CARM1: variants seen among roughly 807,000 people sequenced by gnomAD.
CARM1 encodes the protein coactivator associated arginine methyltransferase 1.
Under a neutral mutation model 72.7 loss-of-function variants are expected in CARM1, and 14 were observed. The observed-to-expected ratio is 0.19, with a 90% CI of 0.13 to 0.30. The LOEUF is 0.30. CARM1 is among the 10% of genes least tolerant of loss of function. The pLI is 1.00. For missense variants in CARM1, 432 were observed against 833.7 expected, an observed-to-expected ratio of 0.52 and a Z score of 5.93; for synonymous variants, 333 against 345.5, an observed-to-expected ratio of 0.96 and a Z score of 0.40.
intron 5 of CARM1, among the ~76,000 whole-genome samples, chr19:10,913,192 C>G (rs1196713536): frequency 1.3e-5 from 2 of 151,962 alleles, no homozygotes; most frequent in Admixed American, 6.6e-5. Context: ...GCAACCTCCA[C>G]CTCCCGGGTT....
intron 4 of CARM1, 90 bp downstream of exon 4, chr19:10,909,297 T>G: frequency 1.2e-6 from 1 of 823,170 alleles, no homozygotes; most frequent in Non-Finnish European, 2.0e-6. Flanking sequence ...TTTTCTCAGA[T>G]TAGAAATGCA....
At chr19:10,879,584 G>A (rs1002881445) in intron 1 of CARM1, among the ~76,000 whole-genome samples, 8 of 152,110 alleles carry the variant, frequency 5.3e-5, no homozygotes, top group African/African-American at 1.9e-4. Flanking sequence ...GGGGCTAAAA[G>A]TGGAAACAGG....
chr19:10,904,448 G>A (rs1034584106), intron 1 of CARM1, among the ~76,000 whole-genome samples: 2 of 152,180 alleles, frequency 1.3e-5, no homozygotes, highest in African/African-American at 2.4e-5. Context: ...CCACTGCCCC[G>A]CCATTAGCCC....
At position 10,915,041 on chromosome 19, in the gene CARM1, C is replaced by T. The variant is rs149845918; in HGVS notation, c.847+987C>T. Among the ~76,000 whole-genome samples, 68 of 152,302 alleles carry T rather than the reference C, an allele frequency of 4.5e-4. No homozygotes were observed. The highest frequency in any genetic ancestry group is 6.8e-3 in the Middle Eastern group (2 of 294). ...CCAGGGTAGCAGCCATGGGATGGAG[C>T]GTGGGCAGCAGCAGGCTGGTGGGGC... On this transcript the variant is annotated intron_variant, in intron 6 of 15. Coordinates refer to ENST00000327064, the MANE Select transcript of CARM1 (RefSeq NM_199141.2). This position sits in a 1 kb window ranked among gnomAD's most constrained non-coding sequence, Gnocchi z 4.6.
Position 10,921,872 on chromosome 19 carries a change from C to G in CARM1, c.*115C>G, listed in dbSNP as rs1167630256. 2.8e-6 allele frequency: 3 copies of G among 1,059,692 alleles called. No homozygotes were observed. The highest frequency in any genetic ancestry group is 3.2e-5 in the African/African-American group (2 of 62,092). The allele number at this position is 1,059,692 out of a possible 1,614,324, so 65.6% of individuals were successfully genotyped here. A position where few individuals can be genotyped will look rare whatever the true frequency, so the allele number is the denominator to read the frequency against. On this transcript the variant is annotated 3_prime_UTR_variant, in exon 16 of 16. Transcript: ENST00000327064. ...GAAGCTCGAACACCCGGTCACAGCT[C>G]TCTTTGCTATGGGAACTGGGACACT...
intron 1 of CARM1, among the ~76,000 whole-genome samples, chr19:10,892,433 G>A (rs2073994900): frequency 6.6e-6 from 1 of 152,236 alleles, no homozygotes; most frequent in South Asian, 2.1e-4. Context: ...GGAGCCCAGG[G>A]TGACCTCATG....
At chr19:10,890,027 C>T (rs912642828) in intron 1 of CARM1, among the ~76,000 whole-genome samples, 2 of 152,048 alleles carry the variant, frequency 1.3e-5, no homozygotes, top group East Asian at 1.9e-4. Context: ...GCGGGAGGAT[C>T]GCCTAAGGCT....
chr19:10,880,126 G>T (rs1205150858), intron 1 of CARM1, among the ~76,000 whole-genome samples: 2 of 152,220 alleles, frequency 1.3e-5, no homozygotes, highest in Non-Finnish European at 2.9e-5. Flanking sequence ...GGCTCAGGAA[G>T]ACCTCTGTGG....
chr19:10,919,294 G>C (rs780197098), intron 8 of CARM1: 2 of 316,918 alleles, frequency 6.3e-6, no homozygotes, highest in African/African-American at 4.3e-5. Flanking sequence ...CCAGTGTGTC[G>C]CTACCACGGA....
intron 8 of CARM1, 139 bp from the exon 9 acceptor site, chr19:10,919,456 C>T (rs949828267): frequency 4.5e-5 from 29 of 650,078 alleles, no homozygotes; most frequent in African/African-American, 1.4e-4. Context: ...CCCCTCCTCA[C>T]GGCGTGTCTG....
chr19:10,873,888 C>G (rs898455486), intron 1 of CARM1, among the ~76,000 whole-genome samples: 10 of 152,102 alleles, frequency 6.6e-5, no homozygotes, highest in Non-Finnish European at 1.0e-4. Flanking sequence ...ATCCACCCGC[C>G]TTGGCCTCCC....
At chr19:10,892,773 C>T (rs1356107022) in intron 1 of CARM1, among the ~76,000 whole-genome samples, 1 of 152,190 alleles carries the variant, frequency 6.6e-6, no homozygotes, top group Admixed American at 6.5e-5. Flanking sequence ...GCTCTTGTTG[C>T]CCAGGCTGGA....
intron 8 of CARM1, 63 bp from the exon 9 acceptor site, chr19:10,919,532 G>A: frequency 8.2e-7 from 1 of 1,215,438 alleles, no homozygotes; most frequent in Non-Finnish European, 1.2e-6. Context: ...GAAGGGGCAG[G>A]GCTCTCCCCT....
intron 1 of CARM1, among the ~76,000 whole-genome samples, chr19:10,890,681 A>G (rs886393993): frequency 9.4e-5 from 14 of 148,730 alleles, no homozygotes; most frequent in Non-Finnish European, 1.3e-4. Flanking sequence ...ACGTATATAC[A>G]TATATACACA....
At chr19:10,919,006 G>A (rs1440057122) in intron 8 of CARM1, 1 of 152,694 alleles carries the variant, frequency 6.5e-6, no homozygotes, top group East Asian at 1.9e-4. Flanking sequence ...TGTTGTTGTT[G>A]TTTTTAAGAG....
Position 10,916,257 on chromosome 19 carries a change from G to A in CARM1, c.848-150G>A, listed in dbSNP as rs541910835. 8.2e-6 allele frequency: 5 copies of A among 608,020 alleles called. No homozygotes were observed. The highest frequency in any genetic ancestry group is 1.9e-5 in the South Asian group (1 of 52,274). 37.7% of individuals were successfully genotyped at this position (608,020 alleles called of 1,614,324 possible). On this transcript the variant is annotated intron_variant, in intron 6 of 15. Transcript: ENST00000327064. The surrounding 1 kb of genome is among the most constrained non-coding windows in gnomAD (Gnocchi z 4.4). ...TGATGAAACACTGATCAGAATAGGC[G>A]CTCGGTGCCACTGTCACAGGAGTGC... is the stretch of plus-strand genomic sequence containing the variant.
At position 10,920,649 on chromosome 19, in the gene CARM1, C is replaced by T. The variant is rs370647066; in HGVS notation, c.1335-10C>T. On this transcript the variant is annotated splice_polypyrimidine_tract_variant and intron_variant, in intron 11 of 15. Transcript: ENST00000327064. This position sits in a 1 kb window ranked among gnomAD's most constrained non-coding sequence, Gnocchi z 5.3. ...AGCAGCTCATGCCACGGCCTGCACC[C>T]TGTCCGCAGACAGAGCTACGACATC... The T allele has an allele frequency of 7.4e-5, 120 of 1,614,152 alleles. No homozygotes were observed. The African/African-American group carries it at 1.2e-3, about 16-fold the overall frequency.
rs1423691093 is a variant in CARM1, at chr19:10,912,110, C to G, written c.559-74C>G. 9.7e-7 allele frequency: 1 copy of G among 1,026,828 alleles called. No homozygotes were observed. The highest frequency in any genetic ancestry group is 1.6e-6 in the Non-Finnish European group (1 of 644,032). The allele number at this position is 1,026,828 out of a possible 1,614,324, so 63.6% of individuals were successfully genotyped here. A position where few individuals can be genotyped will look rare whatever the true frequency, so the allele number is the denominator to read the frequency against. On this transcript the variant is annotated intron_variant, in intron 4 of 15. Coordinates refer to ENST00000327064, the MANE Select transcript of CARM1 (RefSeq NM_199141.2). The surrounding 1 kb of genome is among the most constrained non-coding windows in gnomAD (Gnocchi z 4.5). ...GACAGACGCCTCATGATGTGCACAT[C>G]CCTTATGATCACTGTCACCTCCCCA... is the stretch of plus-strand genomic sequence containing the variant.
At position 10,916,520 on chromosome 19, in the gene CARM1, G is replaced by A. The variant is rs374856831; in HGVS notation, c.938+23G>A. 1.9e-5 allele frequency: 29 copies of A among 1,566,778 alleles called. No individual in the cohort carries two copies. Among genetic ancestry groups the A allele is most frequent in the African/African-American group, 1.4e-4 (10 of 74,040 alleles). The stretch of plus-strand genomic sequence containing the variant: ...CTGGTGAGTGTGCCCTGGGTGTCCC[G>A]CCTGGGCCCCACAGCCTGCCTTCTC... On this transcript the variant is annotated intron_variant, in intron 7 of 15. Coordinates refer to ENST00000327064, the MANE Select transcript of CARM1 (RefSeq NM_199141.2). This position sits in a 1 kb window ranked among gnomAD's most constrained non-coding sequence, Gnocchi z 4.4.
Sources: allele counts gnomAD v4.1 joint callset (sites outside exome capture counted in the v4.1 genomes callset), GRCh38; gene constraint gnomAD v4.1.1; non-coding constraint Gnocchi (gnomAD v3.1); transcripts MANE v1.5; gene names NCBI Gene and HGNC (gene_info 2026-07-23, HGNC 2026-07-21).